C6: variants seen among roughly 807,000 people sequenced by gnomAD.
The protein encoded by C6 is complement C6.
In C6, 101 loss-of-function variants were observed where a neutral mutation model predicts 112.9. That is an observed-to-expected ratio of 0.89 (90% CI 0.76 to 1.06). C6 has a LOEUF of 1.06. Ranked by LOEUF, C6 falls within the 50% of genes least tolerant of loss-of-function variation. The pLI, the probability that C6 is intolerant of heterozygous loss-of-function variation, is 0.00. For missense variants in C6, 1,202 were observed against 1,104.6 expected (o/e 1.09, Z -1.25); for synonymous variants, 431 against 384.1 (o/e 1.12, Z -1.43).
upstream of C6, among the ~76,000 whole-genome samples, chr5:41,215,281 T>C (rs768192012): frequency 1.4e-4 from 21 of 152,148 alleles, no homozygotes; most frequent in Non-Finnish European, 2.5e-4. Flanking sequence ...CTGGCCCTTA[T>C]AGGAAAAGTT....
intron 17 of C6, among the ~76,000 whole-genome samples, chr5:41,143,499 G>A (rs186840485): frequency 9.4e-4 from 143 of 152,168 alleles, no homozygotes; most frequent in Non-Finnish European, 7.5e-4. Context: ...TACATTCATC[G>A]TTATCATTTG....
In C6 at chr5:41,160,232, G is replaced by C; in HGVS notation, c.1594C>G (p.Pro532Ala). 2 of 1,613,872 alleles carry C rather than the reference G, an allele frequency of 1.2e-6. No individual in the cohort carries two copies. Among genetic ancestry groups the C allele is most frequent in the Non-Finnish European group, 1.7e-6 (2 of 1,179,846 alleles). The change falls in exon 11 of 18, where the codon CCC (proline) becomes GCC (alanine). Residue 532 changes from proline to alanine, a missense_variant. By Grantham distance (27) the Pro-to-Ala change is conservative (BLOSUM62 -1). Coordinates refer to ENST00000337836, the MANE Select transcript of C6 (RefSeq NM_000065.5). ...QCAPCPNNGR[P>A]TLSGTECLCV... ...AGACATTCAGTCCCTGAGAGGGTGG[G>C]TCGGCCATTATTAGGGCATGGAGCA...
At position 41,160,031 on chromosome 5, in the gene C6, G is replaced by A. The variant is rs536935204; in HGVS notation, c.1684+111C>T. On this transcript the variant is annotated intron_variant, in intron 11 of 17. Transcript: ENST00000337836. ...GCAGGTTTATCTTCCCTCTGAGCCT[G>A]TACAAGGTGGAGGTTGCTAATAGAA... The A allele has an allele frequency of 1.9e-5, 16 of 838,252 alleles. No individual in the cohort carries two copies. In the Admixed American group the frequency reaches 2.0e-4, roughly 10 times the overall value. The allele number at this position is 838,252 out of a possible 1,614,324, so 51.9% of individuals were successfully genotyped here. A position where few individuals can be genotyped will look rare whatever the true frequency, so the allele number is the denominator to read the frequency against.
At position 41,172,238 on chromosome 5, in the gene C6, T is replaced by C. The variant is rs1748481516; in HGVS notation, c.1278A>G (p.Ser426=). Residue 426 remains serine (S), a synonymous_variant, in exon 9 of 18, where the codon TCA becomes TCG. Transcript: ENST00000337836. ...GAGTACTGTTACCTTCATGTTTCTC[T>C]GACAGCTTGTTGGTGGTGCACCTAT... ...VEHRCTTNKL[S]EKHEGSFIQG... The C allele has an allele frequency of 6.2e-7, 1 of 1,613,840 alleles. No homozygotes were observed. The highest frequency in any genetic ancestry group is 8.5e-7 in the Non-Finnish European group (1 of 1,179,784).
At chr5:41,154,909 T>A in intron 14 of C6, 63 bp downstream of exon 14, 1 of 1,545,524 alleles carries the variant, frequency 6.5e-7, no homozygotes, top group Non-Finnish European at 8.9e-7. Flanking sequence ...GATTTTACTG[T>A]TTTTATATTG....
chr5:41,154,121 C>A lies in C6; in HGVS notation c.2102-123G>T. On this transcript the variant is annotated intron_variant, in intron 14 of 17. Coordinates refer to ENST00000337836, the MANE Select transcript of C6 (RefSeq NM_000065.5). The stretch of plus-strand genomic sequence containing the variant: ...TTACTGCATCTGTTCAGCTTTGGTG[C>A]CTCCTTTTGATCAGAAAACCTGGGG... 5 of 795,344 alleles carry A rather than the reference C, an allele frequency of 6.3e-6. No individual in the cohort carries two copies. The South Asian group carries it at 7.4e-5, about 12-fold the overall frequency. 49.3% of individuals were successfully genotyped at this position (795,344 alleles called of 1,614,324 possible).
At chr5:41,258,728 A>C (rs1741864979) in intron 1 of C6, among the ~76,000 whole-genome samples, 1 of 152,206 alleles carries the variant, frequency 6.6e-6, no homozygotes, top group Non-Finnish European at 1.5e-5. Flanking sequence ...GGTTTAATTG[A>C]ATCACAGTAT....
chr5:41,209,222 A>C (rs1751694675), intron 1 of C6, among the ~76,000 whole-genome samples: 1 of 152,202 alleles, frequency 6.6e-6, no homozygotes. Context: ...GATGTATCTC[A>C]AAATAATAAG....
intron 6 of C6, 57 bp from the exon 7 acceptor site, chr5:41,181,616 T>C (rs1196321715): frequency 1.4e-5 from 18 of 1,324,168 alleles, no homozygotes; most frequent in African/African-American, 1.2e-4. Context: ...GAGCGACTTG[T>C]GGATATCTAA....
intron 1 of C6, among the ~76,000 whole-genome samples, chr5:41,222,853 CCCA>C (rs1236028160): frequency 3.3e-5 from 5 of 152,048 alleles, no homozygotes; most frequent in African/African-American, 4.8e-5. Flanking sequence ...ATGAAATAAG[CCCA>C]CATGGCTAAT....
At chr5:41,219,124 G>GCTGATGCCAGCCCTGAGC (rs1036108369) in intron 1 of C6, among the ~76,000 whole-genome samples, 3 of 152,176 alleles carry the variant, frequency 2.0e-5, no homozygotes, top group South Asian at 2.1e-4. Flanking sequence ...ATGTGTGCTG[G>GCTGATGCCAGCCCTGAGC]CTGATGCCAG....
chr5:41,201,492 G>A (rs1383530274), intron 3 of C6, 66 bp downstream of exon 3: 3 of 1,444,882 alleles, frequency 2.1e-6, no homozygotes, highest in Non-Finnish European at 2.9e-6. Flanking sequence ...ATGCTGTTAA[G>A]CCTGTCAGGG....
intron 1 of C6, among the ~76,000 whole-genome samples, chr5:41,219,345 G>A (rs1010816143): frequency 1.3e-5 from 2 of 152,130 alleles, no homozygotes; most frequent in African/African-American, 2.4e-5. Flanking sequence ...TGGAAGTGGG[G>A]AGACTGAGAA....
intron 3 of C6, among the ~76,000 whole-genome samples, chr5:41,201,339 C>A (rs1286515376): frequency 1.3e-5 from 2 of 152,064 alleles, no homozygotes; most frequent in African/African-American, 4.8e-5. Context: ...ATACTGGGAG[C>A]AAAATTTCCT....
chr5:41,156,235 C>T (rs1746895114), intron 13 of C6, among the ~76,000 whole-genome samples: 1 of 152,128 alleles, frequency 6.6e-6, no homozygotes, highest in African/African-American at 2.4e-5. Context: ...TTCTTGTATC[C>T]TCAACACCTT....
intron 1 of C6, 129 bp from the exon 2 acceptor site, chr5:41,203,379 G>T (rs1301815713): frequency 2.4e-6 from 2 of 832,794 alleles, no homozygotes; most frequent in Non-Finnish European, 3.9e-6. Context: ...CTTAAGGCAA[G>T]TCAACACCTA....
chr5:41,200,885 GTTGTTGTTT>G (rs1206912900), intron 3 of C6, among the ~76,000 whole-genome samples: 4 of 67,118 alleles, frequency 6.0e-5, no homozygotes, highest in Non-Finnish European at 7.9e-5. Context: ...TGTTGTTGTT[GTTGTTGTTT>G]TTTTTTTTTT....
At chr5:41,232,570 G>A (rs1739972997) in intron 1 of C6, among the ~76,000 whole-genome samples, 2 of 152,006 alleles carry the variant, frequency 1.3e-5, no homozygotes. Flanking sequence ...AGTCATACGA[G>A]GTTGTTTTTT....
chr5:41,248,025 T>C (rs1323921155), intron 1 of C6, among the ~76,000 whole-genome samples: 1 of 152,156 alleles, frequency 6.6e-6, no homozygotes, highest in African/African-American at 2.4e-5. Flanking sequence ...CTTGTATGCC[T>C]ATAGCCATTT....
Sources: allele counts gnomAD v4.1 joint callset (sites outside exome capture counted in the v4.1 genomes callset), GRCh38; gene constraint gnomAD v4.1.1; transcripts MANE v1.5; gene names NCBI Gene and HGNC (gene_info 2026-07-23, HGNC 2026-07-21).